The following MAPKAP1 variants were observed in gnomAD, a reference collection of about 807,000 sequenced individuals.
MAPKAP1 encodes the protein target of rapamycin complex 2 subunit MAPKAP1.
A neutral mutation model predicts 65.7 loss-of-function variants in MAPKAP1; 20 were observed. The observed-to-expected ratio is 0.30, with a 90% CI of 0.21 to 0.44. The LOEUF is 0.44. MAPKAP1 is among the 20% of genes least tolerant of loss of function. MAPKAP1 has a pLI of 1.00. For missense variants in MAPKAP1, 423 were observed against 648.0 expected, an observed-to-expected ratio of 0.65 and a Z score of 3.77; for synonymous variants, 222 against 244.3, an observed-to-expected ratio of 0.91 and a Z score of 0.85.
chr9:125,622,985 A>ACGGGGTTT (rs893740440), intron 4 of MAPKAP1, among the ~76,000 whole-genome samples: 4 of 151,986 alleles, frequency 2.6e-5, no homozygotes, highest in African/African-American at 9.6e-5. Flanking sequence ...TTTGGTGGAG[A>ACGGGGTTT]CGGGGTTTCG....
At chr9:125,638,588 C>T (rs1833490381) in intron 4 of MAPKAP1, among the ~76,000 whole-genome samples, 1 of 152,164 alleles carries the variant, frequency 6.6e-6, no homozygotes, top group African/African-American at 2.4e-5. Context: ...ATCCTTTCTC[C>T]CAGCCAAGTC....
At chr9:125,679,854 A>G (rs1834769098) in intron 1 of MAPKAP1, among the ~76,000 whole-genome samples, 1 of 152,188 alleles carries the variant, frequency 6.6e-6, no homozygotes. Context: ...TCTCACCTGC[A>G]ATCTGTGAAA....
chr9:125,614,630 T>TATA (rs1381480907), intron 4 of MAPKAP1, among the ~76,000 whole-genome samples: 5 of 152,056 alleles, frequency 3.3e-5, no homozygotes, highest in Non-Finnish European at 5.9e-5. Flanking sequence ...CGTCTCAAAA[T>TATA]ATAATAATAA....
chr9:125,613,039 C>A (rs1832648223), intron 4 of MAPKAP1, among the ~76,000 whole-genome samples: 1 of 152,184 alleles, frequency 6.6e-6, no homozygotes, highest in African/African-American at 2.4e-5. Flanking sequence ...CCTAGACCAG[C>A]CAAGATGCTA....
intron 1 of MAPKAP1, among the ~76,000 whole-genome samples, chr9:125,676,214 A>G (rs980234067): frequency 7.9e-5 from 12 of 152,246 alleles, no homozygotes; most frequent in African/African-American, 2.9e-4. Flanking sequence ...ACCAAAATAT[A>G]AAACATGAAT....
At chr9:125,597,979 T>C (rs560612798) in intron 4 of MAPKAP1, among the ~76,000 whole-genome samples, 2 of 152,202 alleles carry the variant, frequency 1.3e-5, no homozygotes, top group South Asian at 2.1e-4. Flanking sequence ...TGGACTTCAT[T>C]TGATCAGAAG....
chr9:125,453,088 C>A (rs934002885), intron 10 of MAPKAP1, among the ~76,000 whole-genome samples: 1 of 152,182 alleles, frequency 6.6e-6, no homozygotes, highest in Non-Finnish European at 1.5e-5. Context: ...GACAGAGTCT[C>A]ACTCTGTTGC....
chr9:125,621,899 T>A (rs562739902), intron 4 of MAPKAP1, among the ~76,000 whole-genome samples: 59 of 152,284 alleles, frequency 3.9e-4, no homozygotes, highest in African/African-American at 1.4e-3. Flanking sequence ...AACCAACAGA[T>A]GAACAGATAA....
chr9:125,568,474 C>G (rs1831129513), intron 5 of MAPKAP1, among the ~76,000 whole-genome samples: 1 of 152,180 alleles, frequency 6.6e-6, no homozygotes, highest in South Asian at 2.1e-4. Context: ...TTTTACCTGA[C>G]CTTCCTAAGC....
chr9:125,532,475 T>A (rs1039519152), intron 7 of MAPKAP1, among the ~76,000 whole-genome samples: 1 of 152,244 alleles, frequency 6.6e-6, no homozygotes, highest in African/African-American at 2.4e-5. Context: ...AAAAGGCATC[T>A]CTCTGCATAG....
chr9:125,483,322 C>T (rs1293762235), intron 9 of MAPKAP1, among the ~76,000 whole-genome samples: 1 of 152,202 alleles, frequency 6.6e-6, no homozygotes, highest in Non-Finnish European at 1.5e-5. Context: ...TCTTGCCCAT[C>T]TCTTAATCAC....
chr9:125,688,070 T>C (rs929390698), intron 1 of MAPKAP1, among the ~76,000 whole-genome samples: 1 of 152,258 alleles, frequency 6.6e-6, no homozygotes, highest in Admixed American at 6.5e-5. Flanking sequence ...ATGGCTATTA[T>C]TGTTACTATT....
intron 5 of MAPKAP1, 118 bp from the exon 6 acceptor site, chr9:125,559,927 G>A: frequency 1.0e-6 from 1 of 973,134 alleles, no homozygotes; most frequent in Non-Finnish European, 1.5e-6. Context: ...CCCAAGCCTG[G>A]TGATACAGTA....
chr9:125,615,820 C>T (rs112007724), intron 4 of MAPKAP1, among the ~76,000 whole-genome samples: 3,302 of 150,998 alleles, frequency 0.022, 45 homozygotes, highest in South Asian at 0.041. Context: ...GGCTGAGGCA[C>T]GAGAATCACT....
chr9:125,596,091 G>A (rs1043556078), intron 4 of MAPKAP1: 4 of 960,568 alleles, frequency 4.2e-6, no homozygotes, highest in Admixed American at 1.7e-5. Context: ...CCGAGGCAGT[G>A]GCAAGAAAAG....
At chr9:125,457,416 G>A (rs1853224872) in intron 10 of MAPKAP1, among the ~76,000 whole-genome samples, 1 of 152,074 alleles carries the variant, frequency 6.6e-6, no homozygotes, top group Non-Finnish European at 1.5e-5. Context: ...ATTTATAATA[G>A]CTATTTTAAG....
At chr9:125,603,187 G>A (rs1477981779) in intron 4 of MAPKAP1, among the ~76,000 whole-genome samples, 1 of 152,016 alleles carries the variant, frequency 6.6e-6, no homozygotes, top group African/African-American at 2.4e-5. Flanking sequence ...AGGATTACAG[G>A]TGTGAGCCAC....
chr9:125,480,747 T>C (rs1304195031), intron 9 of MAPKAP1, among the ~76,000 whole-genome samples: 2 of 149,968 alleles, frequency 1.3e-5, no homozygotes, highest in Non-Finnish European at 3.0e-5. Context: ...CCAAGGCGGG[T>C]GGATCACAAG....
intron 6 of MAPKAP1, among the ~76,000 whole-genome samples, chr9:125,550,298 C>A (rs538860441): frequency 6.6e-6 from 1 of 152,250 alleles, no homozygotes; most frequent in Non-Finnish European, 1.5e-5. Flanking sequence ...AGCTGACAGA[C>A]TCCGACATAA....
Sources: gnomAD v4.1 joint callset for allele counts (sites outside exome capture counted in the v4.1 genomes callset) on GRCh38, gnomAD v4.1.1 for gene constraint, MANE v1.5 for transcripts, NCBI Gene and HGNC (gene_info 2026-07-23, HGNC 2026-07-21) for gene names.